Variants in CLASP2 observed in about 807,000 individuals in gnomAD.
The protein encoded by CLASP2 is CLIP-associating protein 2.
Under a neutral mutation model 194.4 loss-of-function variants are expected in CLASP2, and 47 were observed. That is an observed-to-expected ratio of 0.24 (90% CI 0.19 to 0.31). The LOEUF is 0.31. Ranked by LOEUF, CLASP2 falls within the 10% of genes least tolerant of loss-of-function variation. The pLI, the probability that CLASP2 is intolerant of heterozygous loss-of-function variation, is 1.00. For missense variants in CLASP2, 1,445 were observed against 1,823.6 expected, an observed-to-expected ratio of 0.79 and a Z score of 3.78; for synonymous variants, 619 against 633.5, an observed-to-expected ratio of 0.98 and a Z score of 0.34.
intron 8 of CLASP2, among the ~76,000 whole-genome samples, chr3:33,633,311 A>G (rs1275855306): frequency 1.3e-5 from 2 of 152,084 alleles, no homozygotes; most frequent in Non-Finnish European, 2.9e-5. Context: ...AGCTCATCCT[A>G]TCCAAAAACG....
At chr3:33,515,117 A>G (rs542504021) in intron 36 of CLASP2, among the ~76,000 whole-genome samples, 14 of 152,280 alleles carry the variant, frequency 9.2e-5, no homozygotes, top group African/African-American at 3.1e-4. Context: ...CATTAGGTAC[A>G]GTGTACACCG....
chr3:33,621,630 A>G (rs1007296664), intron 11 of CLASP2, among the ~76,000 whole-genome samples: 2 of 152,114 alleles, frequency 1.3e-5, no homozygotes, highest in East Asian at 1.9e-4. Flanking sequence ...TTTGTTCCCT[A>G]TCTTCAAAGG....
chr3:33,609,007 T>C lies in CLASP2; in HGVS notation c.1389-381A>G, dbSNP rs547881779. ...CAAATATAAACCTTAAGGCTGGGCG[T>C]TGTGGTTCATGCCTGTAATCTCAGC... On this transcript the variant is annotated intron_variant, in intron 13 of 38. Coordinates refer to ENST00000682230, the MANE Select transcript of CLASP2 (RefSeq NM_001365631.1). Among the ~76,000 whole-genome samples, 11 of 152,210 alleles carry C rather than the reference T, an allele frequency of 7.2e-5. No homozygotes were observed. In the East Asian group the frequency reaches 2.1e-3, roughly 29 times the overall value.
rs555943387 is a variant in CLASP2, at chr3:33,618,146, T to A, written c.1317+1457A>T. ...TATTTTTAGTAGAGACTGGGTTTCT[T>A]CATGTTGGTCGGGCTGGTCTCGAAC... On this transcript the variant is annotated intron_variant, in intron 12 of 38. Transcript: ENST00000682230. Among the ~76,000 whole-genome samples the A allele has an allele frequency of 2.0e-5, 3 of 151,572 alleles. No homozygotes were observed. The East Asian group carries it at 5.9e-4, about 30-fold the overall frequency.
At chr3:33,577,615 G>A (rs1439399014) in intron 23 of CLASP2, among the ~76,000 whole-genome samples, 4 of 151,870 alleles carry the variant, frequency 2.6e-5, no homozygotes, top group Non-Finnish European at 2.9e-5. Context: ...CTTTAATCCT[G>A]ACATCCAATG....
chr3:33,656,680 G>A (rs9876025), intron 7 of CLASP2, among the ~76,000 whole-genome samples: 2,987 of 152,122 alleles, frequency 0.02, 97 homozygotes, highest in African/African-American at 0.067. Context: ...TTTGTACAAA[G>A]GTGCTTATTT....
At chr3:33,530,469 C>G (rs566595871) in intron 34 of CLASP2, among the ~76,000 whole-genome samples, 17 of 152,116 alleles carry the variant, frequency 1.1e-4, no homozygotes, top group African/African-American at 4.1e-4. Flanking sequence ...GACCCTGTCT[C>G]AAAAATAAAT....
chr3:33,513,504 C>A (rs1575698731), intron 36 of CLASP2, among the ~76,000 whole-genome samples: 1 of 152,290 alleles, frequency 6.6e-6, no homozygotes, highest in South Asian at 2.1e-4. Context: ...TGCACTCCAG[C>A]CTGGGTGACA....
intron 8 of CLASP2, among the ~76,000 whole-genome samples, chr3:33,635,409 C>T (rs1277076839): frequency 2.6e-5 from 4 of 152,150 alleles, no homozygotes; most frequent in African/African-American, 7.2e-5. Context: ...TCTTGTGGAA[C>T]TTGTCAAGCG....
At chr3:33,646,662 T>G (rs541771426) in intron 7 of CLASP2, among the ~76,000 whole-genome samples, 15 of 152,100 alleles carry the variant, frequency 9.9e-5, no homozygotes, top group Non-Finnish European at 2.2e-4. Flanking sequence ...AATATGTCCC[T>G]ACCATTAAAA....
intron 6 of CLASP2, among the ~76,000 whole-genome samples, chr3:33,663,845 C>T (rs1312942462): frequency 6.6e-6 from 1 of 152,112 alleles, no homozygotes; most frequent in Non-Finnish European, 1.5e-5. Context: ...CATAATAAGT[C>T]TACTCAGTCA....
chr3:33,602,609 T>C (rs775335244), intron 18 of CLASP2: 5 of 751,920 alleles, frequency 6.6e-6, no homozygotes, highest in Non-Finnish European at 1.2e-5. Context: ...AGAAGAGAAG[T>C]AGGAGAAAGA....
At chr3:33,659,414 T>C in intron 7 of CLASP2, 12 of 1,009,580 alleles carry the variant, frequency 1.2e-5, no homozygotes, top group Non-Finnish European at 1.4e-5. Flanking sequence ...TCTGCTTCCC[T>C]AAAGATATCC....
intron 23 of CLASP2, among the ~76,000 whole-genome samples, chr3:33,578,113 C>T (rs1244368894): frequency 1.3e-5 from 2 of 152,134 alleles, no homozygotes; most frequent in Non-Finnish European, 2.9e-5. Flanking sequence ...TCTTTTAATT[C>T]CTCTGCCCTT....
intron 1 of CLASP2, among the ~76,000 whole-genome samples, chr3:33,707,974 C>T (rs939292512): frequency 6.6e-6 from 1 of 152,164 alleles, no homozygotes; most frequent in East Asian, 1.9e-4. Context: ...GCAAAAGGGA[C>T]TCTGTGGATA....
chr3:33,604,970 T>C (rs2073410167), intron 16 of CLASP2, among the ~76,000 whole-genome samples: 1 of 152,220 alleles, frequency 6.6e-6, no homozygotes, highest in African/African-American at 2.4e-5. Flanking sequence ...CCGTGTAATG[T>C]TTAAGCTAAC....
intron 8 of CLASP2, among the ~76,000 whole-genome samples, chr3:33,643,135 T>A (rs1484435179): frequency 6.6e-6 from 1 of 151,930 alleles, no homozygotes; most frequent in East Asian, 1.9e-4. Context: ...TATATCAATA[T>A]GATTAATATC....
rs1202513986 is a variant in CLASP2, at chr3:33,588,766, T to A, written c.2068+3629A>T. The A allele has an allele frequency of 1.1e-5, 8 of 701,408 alleles. No individual in the cohort carries two copies. The Admixed American group carries it at 1.4e-4, about 12-fold the overall frequency. 43.4% of individuals were successfully genotyped at this position (701,408 alleles called of 1,614,324 possible). ...TGTAAAGGCAGAATTAGGGTAAGGATTATAATCCATGAAGAGGGAAGGAGC... is the reference window on the plus strand; with the variant it reads ...TGTAAAGGCAGAATTAGGGTAAGGAATATAATCCATGAAGAGGGAAGGAGC... On this transcript the variant is annotated intron_variant, in intron 21 of 38. Coordinates refer to ENST00000682230, the MANE Select transcript of CLASP2 (RefSeq NM_001365631.1).
intron 24 of CLASP2, chr3:33,573,603 G>C (rs2064220511): frequency 1.9e-6 from 1 of 520,398 alleles, no homozygotes; most frequent in South Asian, 2.2e-5. Context: ...TGGAAGTTCA[G>C]ATATGTAAAG....
Sources: gnomAD v4.1 joint callset for allele counts (sites outside exome capture counted in the v4.1 genomes callset) on GRCh38, gnomAD v4.1.1 for gene constraint, MANE v1.5 for transcripts, NCBI Gene and HGNC (gene_info 2026-07-23, HGNC 2026-07-21) for gene names.